The following THBS3 variants were observed in gnomAD, a reference collection of about 807,000 sequenced individuals.
The protein encoded by THBS3 is thrombospondin-3.
Under a neutral mutation model 118.3 loss-of-function variants are expected in THBS3, and 78 were observed. The observed-to-expected ratio is 0.66, with a 90% CI of 0.55 to 0.80. THBS3 has a LOEUF of 0.80. THBS3 is among the 30% of genes least tolerant of loss of function. The pLI, the probability that THBS3 is intolerant of heterozygous loss-of-function variation, is 0.00. For missense variants in THBS3, 1,057 were observed against 1,247.4 expected, an observed-to-expected ratio of 0.85 and a Z score of 2.30; for synonymous variants, 427 against 475.3, an observed-to-expected ratio of 0.90 and a Z score of 1.32.
chr1:155,203,425 T>C (rs1670089867), intron 5 of THBS3, 88 bp downstream of exon 5: 1 of 1,593,956 alleles, frequency 6.3e-7, no homozygotes, highest in Non-Finnish European at 8.6e-7. Flanking sequence ...ACTACATTCC[T>C]GACTGAAGAG....
At position 155,196,047 on chromosome 1, in the gene THBS3, C is replaced by G; in HGVS notation, c.2752G>C (p.Gly918Arg). ...IDTSMRGGRL[G>R]VFCFSQENII... ...TTTTCTTGGGAGAAGCAGAATACAC[C>G]AAGACGCCCCCCTCGCATGGATGTG... The change falls in exon 22 of 23, where the codon GGT becomes CGT. Residue 918 changes from glycine (G) to arginine (R), a missense_variant. By Grantham distance (125) the Gly-to-Arg change is moderately radical (BLOSUM62 -2). Around this residue, in one of 3 missense-constraint regions of THBS3, gnomAD observed 307 missense variants for 326.1 expected, o/e 0.94. Transcript: ENST00000368378. The G allele has an allele frequency of 6.2e-7, 1 of 1,614,154 alleles. No homozygotes were observed. The highest frequency in any genetic ancestry group is 8.5e-7 in the Non-Finnish European group (1 of 1,180,022).
At chr1:155,198,360 C>G in intron 17 of THBS3, 49 bp downstream of exon 17, 4 of 1,595,414 alleles carry the variant, frequency 2.5e-6, no homozygotes, top group Non-Finnish European at 3.4e-6. Context: ...CTGCCTCCAC[C>G]TGGGCAAAGG....
rs1020692858 is a variant in THBS3, at chr1:155,197,151, G to A, written c.2562C>T (p.His854=). 5 of 1,614,112 alleles carry A rather than the reference G, an allele frequency of 3.1e-6. No homozygotes were observed. In the African/African-American group the frequency reaches 5.3e-5, roughly 17 times the overall value. Residue 854 remains histidine, a synonymous_variant, in exon 21 of 23, where the codon CAC becomes CAT. Coordinates refer to ENST00000368378, the MANE Select transcript of THBS3 (RefSeq NM_007112.5). This position sits in a 1 kb window ranked among gnomAD's most constrained non-coding sequence, Gnocchi z 5.0. Reference sequence around the variant, plus strand: ...ACAGCAGTCGTACCTGATCAGGGGTGTGGCCAGTATGCCACAGGGCATTTC... The same window carrying A: ...ACAGCAGTCGTACCTGATCAGGGGTATGGCCAGTATGCCACAGGGCATTTC... The part of the protein sequence containing the change: ...HLRNALWHTG[H]TPDQVRLLWT...
intron 16 of THBS3, among the ~76,000 whole-genome samples, chr1:155,199,283 G>A (rs746164795): frequency 8.6e-5 from 13 of 151,924 alleles, no homozygotes; most frequent in East Asian, 1.9e-4. Context: ...GGTGGCAGGC[G>A]CCTGTAGTCC....
chr1:155,197,242 C>G lies in THBS3; in HGVS notation c.2500-29G>C. The G allele has an allele frequency of 6.2e-7, 1 of 1,606,712 alleles. No homozygotes were observed. Among genetic ancestry groups the G allele is most frequent in the African/African-American group, 1.3e-5 (1 of 74,888 alleles). ...GGAGACATTGGCAAAGACAGTGGGT[C>G]AACTGCAGAACTGGAGTGAGGGGAG... On this transcript the variant is annotated intron_variant, in intron 20 of 22. Transcript: ENST00000368378. The surrounding 1 kb of genome is among the most constrained non-coding windows in gnomAD (Gnocchi z 5.0).
intron 2 of THBS3, 151 bp from the exon 3 acceptor site, chr1:155,205,467 A>C: frequency 9.2e-7 from 1 of 1,091,876 alleles, no homozygotes; most frequent in Non-Finnish European, 1.3e-6. Flanking sequence ...TAATAGGTAC[A>C]CAATAAATGT....
chr1:155,199,928 T>G, intron 15 of THBS3, 67 bp downstream of exon 15: 1 of 1,611,880 alleles, frequency 6.2e-7, no homozygotes, highest in Non-Finnish European at 8.5e-7. Context: ...CCACTTTCCA[T>G]CCAAAGGGCT....
At chr1:155,200,736 T>A in intron 13 of THBS3, 126 bp from the exon 14 acceptor site, 1 of 1,558,154 alleles carries the variant, frequency 6.4e-7, no homozygotes, top group South Asian at 1.2e-5. Context: ...CTCAGTACAG[T>A]CCCACCCACC....
rs1669040545 is a variant in THBS3 at position 155,198,297 on chromosome 1, C to T, written c.2075-77G>A. On this transcript the variant is annotated intron_variant, in intron 17 of 22. Transcript: ENST00000368378. ...GCAACAATACCATCTGTTGGGCCTGCATTCCTGACATCTTTCCCCACCTTG... is the reference window on the plus strand; with the variant it reads ...GCAACAATACCATCTGTTGGGCCTGTATTCCTGACATCTTTCCCCACCTTG... 3.1e-6 allele frequency: 5 copies of T among 1,590,670 alleles called. No individual in the cohort carries two copies. The South Asian group carries it at 5.7e-5, about 18-fold the overall frequency.
At position 155,203,296 on chromosome 1, in the gene THBS3, G is replaced by A. The variant is rs1571910655; in HGVS notation, c.683C>T (p.Thr228Ile). The change falls in exon 6 of 23, where the codon ACC becomes ATC. Residue 228 changes from threonine (T) to isoleucine (I), a missense_variant. Coordinates refer to ENST00000368378, the MANE Select transcript of THBS3 (RefSeq NM_007112.5). ...NALHSILGEQ[T>I]KALVTQLTLF... ...GGTGAGTTGGGTGACCAGCGCCTTG[G>A]TCTGCTCCCCTGTCGGGACCCAGGG... The A allele has an allele frequency of 6.2e-6, 10 of 1,614,064 alleles. No individual in the cohort carries two copies. The highest frequency in any genetic ancestry group is 8.5e-6 in the Non-Finnish European group (10 of 1,180,012).
At chr1:155,203,052 G>A (rs376456791) in intron 7 of THBS3, 34 bp downstream of exon 7, 464 of 1,613,686 alleles carry the variant, frequency 2.9e-4, no homozygotes, top group Middle Eastern at 6.6e-4. Flanking sequence ...AACGTGGCAC[G>A]GTCATGTGGA....
rs760045714 is a variant in THBS3, at chr1:155,201,960, A to G, written c.1173T>C (p.Thr391=). The G allele has an allele frequency of 2.5e-6, 4 of 1,613,844 alleles. No homozygotes were observed. The African/African-American group carries it at 5.3e-5, about 22-fold the overall frequency. The change falls in exon 10 of 23, where the codon ACT becomes ACC. Residue 391 remains threonine, a synonymous_variant. Transcript: ENST00000368378. ...GCDPNSICTN[T]VGSFKCGPCR... Reference sequence around the variant, plus strand: ...ACACTCAGGATATTCAGCTCACCACAGTGTTGGTGCAGATGGAGTTTGGGT... The same window carrying G: ...ACACTCAGGATATTCAGCTCACCACGGTGTTGGTGCAGATGGAGTTTGGGT...
In THBS3 at chr1:155,197,237, T is replaced by C; in HGVS notation, c.2500-24A>G. The C allele has an allele frequency of 6.2e-7, 1 of 1,607,490 alleles. No individual in the cohort carries two copies. Among genetic ancestry groups the C allele is most frequent in the Non-Finnish European group, 8.5e-7 (1 of 1,174,618 alleles). ...GCCTAGGAGACATTGGCAAAGACAG[T>C]GGGTCAACTGCAGAACTGGAGTGAG... On this transcript the variant is annotated intron_variant, in intron 20 of 22. Transcript: ENST00000368378. This position sits in a 1 kb window ranked among gnomAD's most constrained non-coding sequence, Gnocchi z 5.0.
chr1:155,198,096 G>A lies in THBS3; in HGVS notation c.2199C>T (p.Val733=), dbSNP rs770010191. Residue 733 remains valine, a synonymous_variant, in exon 18 of 23, where the codon GTC becomes GTT. Transcript: ENST00000368378. ...LTDFRAYQTV[V]LDPEGDAQID... ...TCTGAGCATCACCCTCAGGATCCAGGACGACGGTCTGATAGGCCCGAAAAT... is the reference window on the plus strand; with the variant it reads ...TCTGAGCATCACCCTCAGGATCCAGAACGACGGTCTGATAGGCCCGAAAAT... 1 of 1,614,176 alleles carries A rather than the reference G, an allele frequency of 6.2e-7. No homozygotes were observed. Among genetic ancestry groups the A allele is most frequent in the African/African-American group, 1.3e-5 (1 of 75,038 alleles).
Position 155,202,052 on chromosome 1 carries a change from G to C in THBS3, c.1099-18C>G. ...TTGCAGACCTGAAGGGGCAGACTTTGGGTGGAACCAGACCTATGGTGGGTC... is the reference window on the plus strand; with the variant it reads ...TTGCAGACCTGAAGGGGCAGACTTTCGGTGGAACCAGACCTATGGTGGGTC... On this transcript the variant is annotated intron_variant, in intron 9 of 22. Transcript: ENST00000368378. The surrounding 1 kb of genome is among the most constrained non-coding windows in gnomAD (Gnocchi z 5.5). 6.2e-7 allele frequency: 1 copy of C among 1,614,058 alleles called. No homozygotes were observed. Among genetic ancestry groups the C allele is most frequent in the Non-Finnish European group, 8.5e-7 (1 of 1,180,012 alleles).
chr1:155,199,302 T>C (rs1304180994), intron 16 of THBS3, among the ~76,000 whole-genome samples: 2 of 148,588 alleles, frequency 1.3e-5, no homozygotes, highest in Non-Finnish European at 3.0e-5. Context: ...CCCAGCTACT[T>C]GGGAGGCTGA....
Position 155,206,486 on chromosome 1 carries a change from C to G in THBS3, c.80-80G>C, listed in dbSNP as rs1311033442. 6 of 1,242,316 alleles carry G rather than the reference C, an allele frequency of 4.8e-6. No individual in the cohort carries two copies. The highest frequency in any genetic ancestry group is 2.4e-4 in the Middle Eastern group (1 of 4,222). 77.0% of individuals were successfully genotyped at this position (1,242,316 alleles called of 1,614,324 possible). A position where few individuals can be genotyped will look rare whatever the true frequency, so the allele number is the denominator to read the frequency against. On this transcript the variant is annotated intron_variant, in intron 1 of 22. Transcript: ENST00000368378. The surrounding 1 kb of genome is among the most constrained non-coding windows in gnomAD (Gnocchi z 4.2). ...CCCTCCCCCGAGCCCACATCACCCC[C>G]TACCCCCACCACCAGGCAGCGTTAG... is the stretch of plus-strand genomic sequence containing the variant.
chr1:155,197,298 G>C lies in THBS3; in HGVS notation c.2500-85C>G. ...AGGTCGGTAAGTGCAGGTGGGAAAG[G>C]GATTCAAGGCGGTCATGAAAATGCC... On this transcript the variant is annotated intron_variant, in intron 20 of 22. Coordinates refer to ENST00000368378, the MANE Select transcript of THBS3 (RefSeq NM_007112.5). This position sits in a 1 kb window ranked among gnomAD's most constrained non-coding sequence, Gnocchi z 5.0. 6.4e-7 allele frequency: 1 copy of C among 1,559,836 alleles called. No individual in the cohort carries two copies. The highest frequency in any genetic ancestry group is 8.8e-7 in the Non-Finnish European group (1 of 1,141,708).
At chr1:155,209,149 C>A (rs1044567097), upstream of THBS3, 7 of 1,521,254 alleles carry the variant, frequency 4.6e-6, no homozygotes, top group Non-Finnish European at 6.2e-6. Flanking sequence ...TCTCCCCAGG[C>A]CCCCTGACCG....
Sources: gnomAD v4.1 joint callset for allele counts (sites outside exome capture counted in the v4.1 genomes callset) on GRCh38, gnomAD v4.1.1 for gene constraint, gnomAD v4.1.1 regional missense constraint, Gnocchi (gnomAD v3.1) non-coding constraint, MANE v1.5 for transcripts, NCBI Gene and HGNC (gene_info 2026-07-23, HGNC 2026-07-21) for gene names.